Variants in RWDD1 observed in about 807,000 individuals in gnomAD.
RWDD1 encodes the protein RWD domain containing 1.
In RWDD1, 17 loss-of-function variants were observed where a neutral mutation model predicts 31.6. The ratio of observed to expected loss-of-function variants is 0.54; its 90% CI spans 0.37 to 0.81. RWDD1 has a LOEUF of 0.81. RWDD1 is among the 30% of genes least tolerant of loss of function. RWDD1 has a pLI of 0.00. For synonymous variants in RWDD1, 78 were observed against 94.2 expected (o/e 0.83, Z 0.99); for missense variants, 204 against 274.5 (o/e 0.74, Z 1.82).
At chr6:116,572,800 C>A (rs562338954) in intron 1 of RWDD1, 52 of 981,962 alleles carry the variant, frequency 5.3e-5, no homozygotes, top group Admixed American at 2.5e-4. Flanking sequence ...GTTTTCTTGG[C>A]TTCACCTTTT....
chr6:116,583,136 C>T (rs181707143), intron 2 of RWDD1, among the ~76,000 whole-genome samples: 2 of 152,084 alleles, frequency 1.3e-5, no homozygotes, highest in Admixed American at 1.3e-4. Flanking sequence ...TGCTACCACT[C>T]CCAGCTCAAT....
At position 116,580,295 on chromosome 6, in the gene RWDD1, T is replaced by A; in HGVS notation, c.74T>A (p.Val25Glu). The change falls in exon 2 of 7, where the codon GTA (valine) becomes GAA (glutamate). Residue 25 changes from valine to glutamate, a missense_variant and splice_region_variant. Physicochemically the swap from Val to Glu is moderately radical, Grantham distance 121 (BLOSUM62 -2). Coordinates refer to ENST00000466444, the MANE Select transcript of RWDD1 (RefSeq NM_015952.4). ...LESIYPDSFT[V>E]LSENPPSFTI... is the part of the protein sequence containing the mutation. ...AACTTCTGTGTGTATTTTCTTGCAGTATTATCAGAAAATCCACCCAGCTTC... is the reference window on the plus strand; with the variant it reads ...AACTTCTGTGTGTATTTTCTTGCAGAATTATCAGAAAATCCACCCAGCTTC... 1 of 1,599,512 alleles carries A rather than the reference T, an allele frequency of 6.3e-7. No homozygotes were observed. Among genetic ancestry groups the A allele is most frequent in the Non-Finnish European group, 8.5e-7 (1 of 1,170,308 alleles).
Position 116,571,509 on chromosome 6 carries a change from G to C in RWDD1, c.-74G>C, listed in dbSNP as rs1378961813. 3 of 1,483,638 alleles carry C rather than the reference G, an allele frequency of 2.0e-6. No homozygotes were observed. Among genetic ancestry groups the C allele is most frequent in the East Asian group, 2.4e-5 (1 of 42,046 alleles). 91.9% of individuals were successfully genotyped at this position (1,483,638 alleles called of 1,614,324 possible). ...CCGCCTGGCCGCCGCCCGCTCTCCCGGCGCGGCAGCTGTCTGGGCTGCTGC... is the reference window on the plus strand; with the variant it reads ...CCGCCTGGCCGCCGCCCGCTCTCCCCGCGCGGCAGCTGTCTGGGCTGCTGC... On this transcript the variant is annotated 5_prime_UTR_variant, in exon 1 of 7. Coordinates refer to ENST00000466444, the MANE Select transcript of RWDD1 (RefSeq NM_015952.4).
intron 3 of RWDD1, among the ~76,000 whole-genome samples, chr6:116,586,379 C>T (rs1239165469): frequency 6.6e-6 from 1 of 151,734 alleles, no homozygotes; most frequent in Non-Finnish European, 1.5e-5. Context: ...ATAGTCCCCC[C>T]TCCCACCCAA....
In RWDD1 at chr6:116,590,796, AAG is replaced by A. The variant is rs1775128199; in HGVS notation, c.548-89_548-88del. The A allele has an allele frequency of 2.0e-6, 3 of 1,469,820 alleles. 1 individual carries two copies. The highest frequency in any genetic ancestry group is 2.8e-5 in the South Asian group (2 of 72,060). The allele number at this position is 1,469,820 out of a possible 1,614,324, so 91.0% of individuals were successfully genotyped here. ...AGAAATTTATTGAAATTCACAGAAA[AAG>A]AGGTTTTCAAATTTGCTTTCTAAGT... On this transcript the variant is annotated intron_variant, in intron 5 of 6. Transcript: ENST00000466444.
intron 3 of RWDD1, among the ~76,000 whole-genome samples, chr6:116,587,615 T>C (rs1320167543): frequency 1.3e-5 from 2 of 152,004 alleles, no homozygotes; most frequent in African/African-American, 4.8e-5. Flanking sequence ...CTAGATCAGT[T>C]TTGTGGTGCT....
chr6:116,591,634 A>G (rs777733169), intron 6 of RWDD1, among the ~76,000 whole-genome samples: 2 of 152,254 alleles, frequency 1.3e-5, no homozygotes, highest in Admixed American at 6.5e-5. Flanking sequence ...CTGGCCACTG[A>G]GGATACAGAA....
intron 6 of RWDD1, among the ~76,000 whole-genome samples, chr6:116,591,968 G>A (rs996677810): frequency 5.9e-5 from 9 of 152,092 alleles, no homozygotes; most frequent in Admixed American, 1.3e-4. Flanking sequence ...TCAATGTTTT[G>A]TCATTTTCAC....
intron 3 of RWDD1, among the ~76,000 whole-genome samples, chr6:116,586,816 A>G (rs952495779): frequency 6.6e-6 from 1 of 152,198 alleles, no homozygotes; most frequent in Non-Finnish European, 1.5e-5. Flanking sequence ...ATAATTTCAT[A>G]CATATTGCTA....
At chr6:116,583,541 C>A (rs1023805317) in intron 2 of RWDD1, among the ~76,000 whole-genome samples, 1 of 152,066 alleles carries the variant, frequency 6.6e-6, no homozygotes, top group East Asian at 1.9e-4. Flanking sequence ...CATACACACA[C>A]ACACACACAC....
chr6:116,578,493 C>T (rs1321104346), intron 1 of RWDD1, among the ~76,000 whole-genome samples: 2 of 152,154 alleles, frequency 1.3e-5, no homozygotes, highest in African/African-American at 4.8e-5. Context: ...TGACCTATAG[C>T]CTCAGGGAGT....
intron 1 of RWDD1, among the ~76,000 whole-genome samples, chr6:116,577,790 A>G (rs1477444699): frequency 7.9e-5 from 12 of 151,994 alleles, no homozygotes; most frequent in Admixed American, 5.2e-4. Context: ...TTGTCTTCCT[A>G]TGTTTTGAGA....
In RWDD1 at chr6:116,590,304, G is replaced by C; in HGVS notation, c.447G>C (p.Glu149Asp). 2 of 1,592,050 alleles carry C rather than the reference G, an allele frequency of 1.3e-6. No individual in the cohort carries two copies. The highest frequency in any genetic ancestry group is 1.7e-6 in the Non-Finnish European group (2 of 1,171,784). Residue 149 changes from glutamate (E) to aspartate (D), a missense_variant, in exon 5 of 7, where the codon GAG (glutamate) becomes GAC (aspartate). By Grantham distance (45) the Glu-to-Asp change is conservative (BLOSUM62 2). Coordinates refer to ENST00000466444, the MANE Select transcript of RWDD1 (RefSeq NM_015952.4). ...TCCATGGTACTCCAGTTACAATTGA[G>C]AATTTCTTAAATTGGAAAGCCAAGT... ...QLFHGTPVTI[E>D]NFLNWKAKFD...
rs1775234661 is a variant in RWDD1 at position 116,596,025 on chromosome 6, C to T, written c.*2924C>T. On this transcript the variant is annotated 3_prime_UTR_variant, in exon 7 of 7. Transcript: ENST00000466444. ...ACATGTGCCAAGAAGCAAAGAGATGCACTCTTGTATTCCAGAAAGAAGATG... is the reference window on the plus strand; with the variant it reads ...ACATGTGCCAAGAAGCAAAGAGATGTACTCTTGTATTCCAGAAAGAAGATG... 6.6e-6 allele frequency: 1 copy of T among 152,210 alleles called. No homozygotes were observed. Among genetic ancestry groups the T allele is most frequent in the South Asian group, 2.1e-4 (1 of 4,830 alleles). 9.4% of individuals were successfully genotyped at this position (152,210 alleles called of 1,614,324 possible). A position where few individuals can be genotyped will look rare whatever the true frequency, so the allele number is the denominator to read the frequency against.
At chr6:116,587,542 A>G (rs910377506) in intron 3 of RWDD1, among the ~76,000 whole-genome samples, 1 of 152,186 alleles carries the variant, frequency 6.6e-6, no homozygotes, top group African/African-American at 2.4e-5. Context: ...AAATGTTCAC[A>G]AAATATGTAT....
chr6:116,586,327 A>C (rs957547374), intron 3 of RWDD1, among the ~76,000 whole-genome samples: 2 of 152,108 alleles, frequency 1.3e-5, no homozygotes, highest in African/African-American at 4.8e-5. Context: ...TAACATTTTG[A>C]TGTGATCTAG....
chr6:116,589,700 A>G (rs1775104333), intron 4 of RWDD1, among the ~76,000 whole-genome samples: 2 of 152,220 alleles, frequency 1.3e-5, no homozygotes, highest in South Asian at 4.1e-4. Flanking sequence ...TTAGAGTTCC[A>G]CATAGCTGGG....
intron 1 of RWDD1, among the ~76,000 whole-genome samples, chr6:116,573,257 A>G (rs1024308885): frequency 4.6e-5 from 7 of 152,150 alleles, no homozygotes; most frequent in Admixed American, 6.5e-5. Flanking sequence ...TTAACCCTGA[A>G]ATAATCTTGT....
chr6:116,583,185 C>T (rs981020396), intron 2 of RWDD1, among the ~76,000 whole-genome samples: 1 of 152,024 alleles, frequency 6.6e-6, no homozygotes, highest in African/African-American at 2.4e-5. Context: ...CACTCTTGCC[C>T]AGGCTGGTCT....
Sources: gnomAD v4.1 joint callset for allele counts (sites outside exome capture counted in the v4.1 genomes callset) on GRCh38, gnomAD v4.1.1 for gene constraint, MANE v1.5 for transcripts, NCBI Gene and HGNC (gene_info 2026-07-23, HGNC 2026-07-21) for gene names.